TPST2: variants seen among roughly 807,000 people sequenced by gnomAD.
TPST2 encodes the protein protein-tyrosine sulfotransferase 2.
A neutral mutation model predicts 27.8 loss-of-function variants in TPST2; 16 were observed. That is an observed-to-expected ratio of 0.58 (90% CI 0.39 to 0.88). TPST2 has a LOEUF of 0.88. Ranked by LOEUF, TPST2 falls within the 40% of genes least tolerant of loss-of-function variation. The pLI, the probability that TPST2 is intolerant of heterozygous loss-of-function variation, is 0.00. For missense variants in TPST2, 464 were observed against 543.1 expected, an observed-to-expected ratio of 0.85 and a Z score of 1.45; for synonymous variants, 229 against 231.7, an observed-to-expected ratio of 0.99 and a Z score of 0.10.
intron 1 of TPST2, among the ~76,000 whole-genome samples, chr22:26,569,115 A>G (rs1026304615): frequency 5.9e-5 from 9 of 152,036 alleles, no homozygotes; most frequent in Admixed American, 4.6e-4. Context: ...CGCCCGCCTC[A>G]GCCTCCCAAA....
chr22:26,556,383 CA>C (rs1387738018), intron 1 of TPST2, among the ~76,000 whole-genome samples: 1 of 152,030 alleles, frequency 6.6e-6, no homozygotes, highest in South Asian at 2.1e-4. Flanking sequence ...TACTAAAATA[CA>C]AAAAAATTAG....
At chr22:26,551,404 C>T (rs1314389348) in intron 1 of TPST2, among the ~76,000 whole-genome samples, 1 of 152,098 alleles carries the variant, frequency 6.6e-6, no homozygotes, top group Non-Finnish European at 1.5e-5. Flanking sequence ...AACCATTGAC[C>T]CTATTTGACC....
At chr22:26,536,703 A>G (rs1337636590) in intron 3 of TPST2, among the ~76,000 whole-genome samples, 1 of 152,204 alleles carries the variant, frequency 6.6e-6, no homozygotes, top group African/African-American at 2.4e-5. Context: ...AAGTCAGAAG[A>G]AAGTACTAGC....
At chr22:26,562,870 G>T (rs545215878) in intron 1 of TPST2, among the ~76,000 whole-genome samples, 1 of 152,074 alleles carries the variant, frequency 6.6e-6, no homozygotes, top group Non-Finnish European at 1.5e-5. Flanking sequence ...TGATCTGCCC[G>T]CCTCGGCCTC....
In TPST2 at chr22:26,536,407, C is replaced by A; in HGVS notation, c.922G>T (p.Asp308Tyr). The change falls in exon 4 of 7, where the codon GAT becomes TAT. Residue 308 changes from aspartate to tyrosine, a missense_variant. Coordinates refer to ENST00000338754, the MANE Select transcript of TPST2 (RefSeq NM_003595.5). ...LSKWTGHIPG[D>Y]VVRDMAQIAP... is the part of the protein sequence containing the mutation. Reference sequence around the variant, plus strand: ...ATCTGGGCCATGTCCCGCACCACATCCCCAGGGATGTGGCCAGTCCACTTG... The same window carrying A: ...ATCTGGGCCATGTCCCGCACCACATACCCAGGGATGTGGCCAGTCCACTTG... 1 of 1,593,294 alleles carries A rather than the reference C, an allele frequency of 6.3e-7. No individual in the cohort carries two copies. Among genetic ancestry groups the A allele is most frequent in the Non-Finnish European group, 8.6e-7 (1 of 1,167,040 alleles).
intron 3 of TPST2, among the ~76,000 whole-genome samples, chr22:26,537,791 C>A (rs1348245230): frequency 6.6e-6 from 1 of 152,128 alleles, no homozygotes; most frequent in East Asian, 1.9e-4. Flanking sequence ...AGCATGCTCT[C>A]TCTCCTGTGC....
rs192679898 is a variant in TPST2 at position 26,575,760 on chromosome 22, C to T, written c.-161+14293G>A. On this transcript the variant is annotated intron_variant, in intron 1 of 6. Coordinates refer to ENST00000338754, the MANE Select transcript of TPST2 (RefSeq NM_003595.5). ...CCTGTCATCCCAGCACTTTGGGAGG[C>T]CAAGGTGGGCGGATCATGAGGTCAG... Among the ~76,000 whole-genome samples the T allele has an allele frequency of 5.6e-4, 86 of 152,264 alleles. No individual in the cohort carries two copies. The East Asian group carries it at 0.011, about 19-fold the overall frequency.
chr22:26,563,176 T>A (rs891508293), intron 1 of TPST2, among the ~76,000 whole-genome samples: 1 of 152,146 alleles, frequency 6.6e-6, no homozygotes. Flanking sequence ...AAACATTGCT[T>A]GAGCACCTAC....
chr22:26,558,707 G>C (rs9608500), intron 1 of TPST2, among the ~76,000 whole-genome samples: 75,565 of 152,026 alleles, frequency 0.5, 19,014 homozygotes, highest in East Asian at 0.61. Context: ...AGAGCAAAAG[G>C]CTTGCCTGGC....
chr22:26,527,518 T>C (rs1307714178), intron 6 of TPST2, among the ~76,000 whole-genome samples: 1 of 138,928 alleles, frequency 7.2e-6, no homozygotes, highest in African/African-American at 2.8e-5. Context: ...ATCTTTGAAT[T>C]ACCAAGTTCA....
intron 1 of TPST2, among the ~76,000 whole-genome samples, chr22:26,554,408 T>C (rs1269424685): frequency 6.6e-6 from 1 of 152,166 alleles, no homozygotes; most frequent in South Asian, 2.1e-4. Flanking sequence ...CAGCGTGATC[T>C]TGTAGGGACC....
intron 1 of TPST2, among the ~76,000 whole-genome samples, chr22:26,551,018 G>C (rs1926440774): frequency 2.0e-5 from 3 of 152,360 alleles, no homozygotes; most frequent in Admixed American, 1.3e-4. Flanking sequence ...CTCACGCCAG[G>C]CATGGTGGCT....
At chr22:26,571,298 C>A (rs927610513) in intron 1 of TPST2, among the ~76,000 whole-genome samples, 1 of 152,188 alleles carries the variant, frequency 6.6e-6, no homozygotes, top group Non-Finnish European at 1.5e-5. Flanking sequence ...CCCCAAACAT[C>A]CACTTGGCTC....
Position 26,541,288 on chromosome 22 carries a change from T to C in TPST2, c.343A>G (p.Lys115Glu), listed in dbSNP as rs1925801140. The C allele has an allele frequency of 6.5e-7, 1 of 1,541,056 alleles. No homozygotes were observed. ...AGCCGCAGCTTCTCACGGCCAGACTTGGACCAGGCCTGGCGCATGGCCAGC... is the reference window on the plus strand; with the variant it reads ...AGCCGCAGCTTCTCACGGCCAGACTCGGACCAGGCCTGGCGCATGGCCAGC... The part of the protein sequence containing the change: ...RVLAMRQAWS[K>E]SGREKLRLDE... Residue 115 changes from lysine to glutamate, a missense_variant, in exon 3 of 7, where the codon AAG becomes GAG. By Grantham distance (56) the Lys-to-Glu change is moderately conservative. Transcript: ENST00000338754. The surrounding 1 kb of genome is among the most constrained non-coding windows in gnomAD (Gnocchi z 5.9).
At position 26,541,999 on chromosome 22, in the gene TPST2, CATG is replaced by C. The variant is rs1441159025; in HGVS notation, c.-88-284_-88-282del. 6.6e-6 allele frequency among the ~76,000 whole-genome samples: 1 copy of C among 152,092 alleles called. No individual in the cohort carries two copies. Among genetic ancestry groups the C allele is most frequent in the African/African-American group, 2.4e-5 (1 of 41,426 alleles). ...TCTCCCAAAGTGATGGGATTACAGGCATGAGCCACCCGGTCCAGCGGATCATGA... is the reference window on the plus strand; with the variant it reads ...TCTCCCAAAGTGATGGGATTACAGGCAGCCACCCGGTCCAGCGGATCATGA... On this transcript the variant is annotated intron_variant, in intron 2 of 6. Coordinates refer to ENST00000338754, the MANE Select transcript of TPST2 (RefSeq NM_003595.5). This position sits in a 1 kb window ranked among gnomAD's most constrained non-coding sequence, Gnocchi z 5.9.
At chr22:26,532,122 A>G (rs1462859129) in intron 5 of TPST2, among the ~76,000 whole-genome samples, 1 of 152,104 alleles carries the variant, frequency 6.6e-6, no homozygotes, top group African/African-American at 2.4e-5. Flanking sequence ...CAAGAAAGAA[A>G]GCCCAAGAAA....
chr22:26,561,096 G>A (rs1927064186), intron 1 of TPST2: 11 of 1,608,154 alleles, frequency 6.8e-6, no homozygotes, highest in Non-Finnish European at 9.3e-6. Context: ...GGAGGAAGAT[G>A]AGGAAGATGA....
At chr22:26,543,530 C>T (rs1445484004) in intron 2 of TPST2, among the ~76,000 whole-genome samples, 1 of 152,160 alleles carries the variant, frequency 6.6e-6, no homozygotes, top group Non-Finnish European at 1.5e-5. Flanking sequence ...TGGTCTCGAA[C>T]TCCTGACCTA....
intron 1 of TPST2, among the ~76,000 whole-genome samples, chr22:26,577,766 C>G (rs1409964897): frequency 6.7e-6 from 1 of 149,630 alleles, no homozygotes; most frequent in Non-Finnish European, 1.5e-5. Flanking sequence ...TCAAGTGATT[C>G]TCCTGCCTCA....
Sources: gnomAD v4.1 joint callset for allele counts (sites outside exome capture counted in the v4.1 genomes callset) on GRCh38, gnomAD v4.1.1 for gene constraint, Gnocchi (gnomAD v3.1) non-coding constraint, MANE v1.5 for transcripts, NCBI Gene and HGNC (gene_info 2026-07-23, HGNC 2026-07-21) for gene names.